Variants in MGMT observed in about 807,000 individuals in gnomAD.
The protein encoded by MGMT is methylated-DNA--protein-cysteine methyltransferase.
A neutral mutation model predicts 15.9 loss-of-function variants in MGMT; 14 were observed. The observed-to-expected ratio is 0.88, with a 90% confidence interval of 0.58 to 1.37. MGMT has a LOEUF of 1.37. Among genes scored for constraint, MGMT ranks in the 40% most tolerant of loss-of-function variants. The probability of loss-of-function intolerance (pLI) is 0.00; values close to 1 mark genes in which losing one functional copy is unlikely to be tolerated. For missense variants in MGMT, 282 were observed against 268.1 expected, an observed-to-expected ratio of 1.05 and a Z score of -0.36; for synonymous variants, 130 against 118.2, an observed-to-expected ratio of 1.10 and a Z score of -0.65.
chr10:129,560,920 G>C (rs537654665), intron 2 of MGMT, among the ~76,000 whole-genome samples: 8 of 151,310 alleles, frequency 5.3e-5, no homozygotes, highest in Non-Finnish European at 1.2e-4. Flanking sequence ...GGAACTTTCA[G>C]ACATTTTCTC....
chr10:129,607,039 C>T (rs1417839686), intron 2 of MGMT, among the ~76,000 whole-genome samples: 1 of 152,152 alleles, frequency 6.6e-6, no homozygotes, highest in Non-Finnish European at 1.5e-5. Context: ...GGTTCTTGCC[C>T]TATGGTAGCT....
chr10:129,582,828 C>T (rs573116767), intron 2 of MGMT, among the ~76,000 whole-genome samples: 9 of 152,106 alleles, frequency 5.9e-5, no homozygotes, highest in African/African-American at 1.9e-4. Context: ...GGTGGCTTGG[C>T]GACTTCATAT....
intron 2 of MGMT, among the ~76,000 whole-genome samples, chr10:129,608,868 A>T (rs765356031): frequency 2.0e-5 from 3 of 152,206 alleles, no homozygotes; most frequent in Non-Finnish European, 2.9e-5. Flanking sequence ...TCCCGGGCTG[A>T]ATGCGGAGTG....
intron 2 of MGMT, among the ~76,000 whole-genome samples, chr10:129,686,038 A>T (rs10829617): frequency 0.28 from 43,063 of 152,096 alleles, 6,416 homozygotes; most frequent in East Asian, 0.56. Context: ...CATCTAGTTC[A>T]TGTGACTTTT....
chr10:129,536,438 G>A, intron 2 of MGMT, 61 bp downstream of exon 2: 3 of 1,560,620 alleles, frequency 1.9e-6, no homozygotes, highest in South Asian at 2.4e-5. Context: ...AGGAGTATAT[G>A]TGATAACGGC....
At chr10:129,600,920 C>CT (rs1439113369) in intron 2 of MGMT, among the ~76,000 whole-genome samples, 1 of 152,124 alleles carries the variant, frequency 6.6e-6, no homozygotes, top group Non-Finnish European at 1.5e-5. Flanking sequence ...TTTCAAAATA[C>CT]TCCTAGTTGG....
chr10:129,469,855 C>T (rs531181268), intron 1 of MGMT, among the ~76,000 whole-genome samples: 22 of 151,986 alleles, frequency 1.4e-4, no homozygotes, highest in Admixed American at 2.6e-4. Flanking sequence ...TACAGGTGTG[C>T]GCCACCATAC....
intron 3 of MGMT, among the ~76,000 whole-genome samples, chr10:129,718,735 C>T (rs1848330768): frequency 1.3e-5 from 2 of 152,076 alleles, no homozygotes; most frequent in Non-Finnish European, 2.9e-5. Flanking sequence ...AGTCTGCATG[C>T]CTGCTAAGGC....
intron 1 of MGMT, among the ~76,000 whole-genome samples, chr10:129,486,896 A>G (rs190035098): frequency 6.6e-6 from 1 of 152,314 alleles, no homozygotes; most frequent in East Asian, 1.9e-4. Flanking sequence ...CTCGCACAAC[A>G]CTGTCATTAA....
intron 3 of MGMT, among the ~76,000 whole-genome samples, chr10:129,728,023 A>C (rs752630492): frequency 2.0e-5 from 3 of 152,164 alleles, no homozygotes; most frequent in Non-Finnish European, 4.4e-5. Flanking sequence ...CAAGAAGGCC[A>C]TCAGGTCTCA....
chr10:129,502,354 C>T (rs1303442063), intron 1 of MGMT, among the ~76,000 whole-genome samples: 1 of 152,148 alleles, frequency 6.6e-6, no homozygotes. Flanking sequence ...ATGTAAAGCA[C>T]CTGGCCCGGT....
Position 129,531,187 on chromosome 10 carries a change from G to T in MGMT, c.-12-5054G>T, listed in dbSNP as rs566173306. Among the ~76,000 whole-genome samples, 14 of 152,246 alleles carry T rather than the reference G, an allele frequency of 9.2e-5. No individual in the cohort carries two copies. In the South Asian group the frequency reaches 2.9e-3, roughly 32 times the overall value. ...TGGGCATTGGTGAAGATCCTGATGG[G>T]GTCTCATCACTGGAGTCAGACGTCT... On this transcript the variant is annotated intron_variant, in intron 1 of 4. Coordinates refer to ENST00000651593, the MANE Select transcript of MGMT (RefSeq NM_002412.5).
chr10:129,733,951 T>C (rs1205780116), intron 3 of MGMT, among the ~76,000 whole-genome samples: 1 of 151,762 alleles, frequency 6.6e-6, no homozygotes, highest in Non-Finnish European at 1.5e-5. Flanking sequence ...CATGCTGTTT[T>C]GGTTACTGTA....
intron 1 of MGMT, among the ~76,000 whole-genome samples, chr10:129,530,115 C>G (rs1163123012): frequency 2.0e-5 from 3 of 152,116 alleles, no homozygotes; most frequent in Non-Finnish European, 4.4e-5. Context: ...ATTGCCCAGA[C>G]TGGTCTTGAA....
intron 2 of MGMT, among the ~76,000 whole-genome samples, chr10:129,552,031 C>A (rs919051914): frequency 2.6e-5 from 4 of 152,160 alleles, no homozygotes; most frequent in Admixed American, 2.0e-4. Context: ...GTCATGGGAC[C>A]AGGATAAGAA....
chr10:129,555,861 C>T (rs1167619684), intron 2 of MGMT, among the ~76,000 whole-genome samples: 3 of 152,196 alleles, frequency 2.0e-5, no homozygotes, highest in East Asian at 3.8e-4. Flanking sequence ...TCGGCAACTC[C>T]GTCAGAGTCC....
intron 3 of MGMT, among the ~76,000 whole-genome samples, chr10:129,738,420 C>T (rs542241177): frequency 8.5e-5 from 13 of 152,352 alleles, no homozygotes; most frequent in Admixed American, 1.3e-4. Flanking sequence ...GGCTCGCGCA[C>T]GGTGCACGCA....
intron 1 of MGMT, among the ~76,000 whole-genome samples, chr10:129,475,340 T>A (rs1845278994): frequency 6.6e-6 from 1 of 152,052 alleles, no homozygotes; most frequent in African/African-American, 2.4e-5. Flanking sequence ...GCTGTGTGTG[T>A]CTGGGTGATG....
At position 129,533,244 on chromosome 10, in the gene MGMT, C is replaced by G. The variant is rs1278786300; in HGVS notation, c.-12-2997C>G. Among the ~76,000 whole-genome samples the G allele has an allele frequency of 6.6e-6, 1 of 152,230 alleles. No individual in the cohort carries two copies. The highest frequency in any genetic ancestry group is 1.5e-5 in the Non-Finnish European group (1 of 68,044). ...TTCTGAGCCTGCTCCTCCAGCCTTC[C>G]CAGAAGTTCTTTGAGTTGTGGAGTA... On this transcript the variant is annotated intron_variant, in intron 1 of 4. Coordinates refer to ENST00000651593, the MANE Select transcript of MGMT (RefSeq NM_002412.5). The surrounding 1 kb of genome is among the most constrained non-coding windows in gnomAD (Gnocchi z 4.5).
Sources: allele counts gnomAD v4.1 joint callset (sites outside exome capture counted in the v4.1 genomes callset), GRCh38; gene constraint gnomAD v4.1.1; non-coding constraint Gnocchi (gnomAD v3.1); transcripts MANE v1.5; gene names NCBI Gene and HGNC (gene_info 2026-07-23, HGNC 2026-07-21).